The following CNTNAP5 variants were observed in gnomAD, a reference collection of about 807,000 sequenced individuals.
The protein encoded by CNTNAP5 is contactin-associated protein-like 5.
CNTNAP5 carries 72 observed loss-of-function variants against 150.2 expected under a neutral mutation model. The observed-to-expected ratio is 0.48, with a 90% confidence interval of 0.40 to 0.58. The LOEUF is 0.58. CNTNAP5 is among the 20% of genes least tolerant of loss of function. The probability of loss-of-function intolerance (pLI) is 0.00; values close to 1 mark genes in which losing one functional copy is unlikely to be tolerated. For missense variants in CNTNAP5, 1,636 were observed against 1,626.2 expected (o/e 1.01, Z -0.10); for synonymous variants, 672 against 619.8 (o/e 1.08, Z -1.25).
intron 22 of CNTNAP5, among the ~76,000 whole-genome samples, chr2:124,908,213 A>T (rs1201729201): frequency 1.3e-5 from 2 of 151,994 alleles, no homozygotes; most frequent in African/African-American, 4.8e-5. Context: ...TCTACTAAAA[A>T]TACAAAAATT....
chr2:124,511,119 G>A (rs1315758638), intron 8 of CNTNAP5, among the ~76,000 whole-genome samples: 4 of 152,264 alleles, frequency 2.6e-5, no homozygotes, highest in East Asian at 1.9e-4. Flanking sequence ...TGCTTAGAAT[G>A]GAGTTTAGTA....
chr2:124,860,690 T>A (rs1677506908), intron 19 of CNTNAP5, among the ~76,000 whole-genome samples: 1 of 152,080 alleles, frequency 6.6e-6, no homozygotes, highest in South Asian at 2.1e-4. Flanking sequence ...TTTTATTGAT[T>A]TGTGCGAGTT....
intron 21 of CNTNAP5, among the ~76,000 whole-genome samples, chr2:124,899,710 A>G (rs987283550): frequency 6.6e-6 from 1 of 151,254 alleles, no homozygotes; most frequent in Admixed American, 6.6e-5. Flanking sequence ...GCTTTTGAGG[A>G]GCCATATTCA....
rs375228862 is a variant in CNTNAP5, at chr2:124,329,662, G to A, written c.381+87269G>A. Among the ~76,000 whole-genome samples the A allele has an allele frequency of 1.1e-3, 175 of 152,220 alleles. No individual in the cohort carries two copies. In the Middle Eastern group the frequency reaches 0.027, roughly 24 times the overall value. ...AAACATATATTTTAGTAGCTCGGTG[G>A]CAAAGGATACCATTAAACCACTCTC... On this transcript the variant is annotated intron_variant, in intron 3 of 23. Coordinates refer to ENST00000682447, the MANE Select transcript of CNTNAP5 (RefSeq NM_001367498.1).
At chr2:124,163,478 T>A (rs1684735864) in intron 1 of CNTNAP5, among the ~76,000 whole-genome samples, 2 of 152,006 alleles carry the variant, frequency 1.3e-5, no homozygotes, top group African/African-American at 4.8e-5. Flanking sequence ...GGCATGGGGG[T>A]GTGAATCTGA....
chr2:124,226,359 G>A (rs1686459890), intron 2 of CNTNAP5, among the ~76,000 whole-genome samples: 1 of 152,102 alleles, frequency 6.6e-6, no homozygotes, highest in Admixed American at 6.6e-5. Context: ...GATTAGCAGT[G>A]TTGAGCATCT....
intron 1 of CNTNAP5, among the ~76,000 whole-genome samples, chr2:124,056,968 G>A (rs536597527): frequency 2.0e-5 from 3 of 152,184 alleles, no homozygotes; most frequent in East Asian, 1.9e-4. Context: ...AAATTCAGTT[G>A]TTGTTTGTTT....
intron 1 of CNTNAP5, among the ~76,000 whole-genome samples, chr2:124,039,124 G>A (rs1162284428): frequency 6.6e-6 from 1 of 152,172 alleles, no homozygotes; most frequent in Admixed American, 6.5e-5. Flanking sequence ...TTGAAAAGAT[G>A]GTAGCTTGTC....
At chr2:124,588,947 A>C (rs1371978895) in intron 11 of CNTNAP5, among the ~76,000 whole-genome samples, 4 of 152,108 alleles carry the variant, frequency 2.6e-5, no homozygotes, top group Non-Finnish European at 5.9e-5. Flanking sequence ...GCTCTGGTGC[A>C]GTGTGTCCCG....
intron 3 of CNTNAP5, 22 bp downstream of exon 3, chr2:124,242,415 A>G (rs1332042169): frequency 6.2e-7 from 1 of 1,601,550 alleles, no homozygotes. Context: ...TTTTCCTTCC[A>G]ATGAATAAAA....
intron 1 of CNTNAP5, among the ~76,000 whole-genome samples, chr2:124,191,726 C>A (rs1364197325): frequency 6.6e-6 from 1 of 151,940 alleles, no homozygotes; most frequent in Admixed American, 6.6e-5. Context: ...ACCAGCCTGA[C>A]CAACATGGTG....
intron 7 of CNTNAP5, among the ~76,000 whole-genome samples, chr2:124,486,801 A>G (rs78834558): frequency 6.6e-6 from 1 of 152,158 alleles, no homozygotes; most frequent in Admixed American, 6.5e-5. Context: ...AAAAATAGTG[A>G]AACTACTACT....
At chr2:124,231,744 A>G (rs886902666) in intron 2 of CNTNAP5, among the ~76,000 whole-genome samples, 2 of 152,164 alleles carry the variant, frequency 1.3e-5, no homozygotes, top group Non-Finnish European at 2.9e-5. Context: ...GGACAGCTAT[A>G]GATCATTGAA....
chr2:124,893,476 G>A (rs941028651), intron 21 of CNTNAP5, among the ~76,000 whole-genome samples: 3 of 152,096 alleles, frequency 2.0e-5, no homozygotes, highest in African/African-American at 7.2e-5. Context: ...TCAAAGCAGT[G>A]TGTTGTCTTT....
At chr2:124,173,412 G>A (rs1296166232) in intron 1 of CNTNAP5, among the ~76,000 whole-genome samples, 1 of 152,238 alleles carries the variant, frequency 6.6e-6, no homozygotes, top group Non-Finnish European at 1.5e-5. Context: ...AGTTAGCTAA[G>A]TTCTGAGTGT....
At chr2:124,565,139 T>A (rs1695987357) in intron 11 of CNTNAP5, among the ~76,000 whole-genome samples, 1 of 152,182 alleles carries the variant, frequency 6.6e-6, no homozygotes, top group African/African-American at 2.4e-5. Context: ...CAAAGCAGGA[T>A]TCACTGATGA....
intron 13 of CNTNAP5, among the ~76,000 whole-genome samples, chr2:124,656,668 G>A (rs528014749): frequency 1.3e-5 from 2 of 152,272 alleles, no homozygotes; most frequent in East Asian, 3.9e-4. Flanking sequence ...GACCACAATT[G>A]AGTTGCTGTT....
chr2:124,062,627 T>C (rs1400325477), intron 1 of CNTNAP5, among the ~76,000 whole-genome samples: 1 of 152,176 alleles, frequency 6.6e-6, no homozygotes, highest in Non-Finnish European at 1.5e-5. Flanking sequence ...ATAAATGCTT[T>C]ATATACACAG....
At chr2:124,504,248 A>T in intron 7 of CNTNAP5, 44 bp from the exon 8 acceptor site, 1 of 1,588,410 alleles carries the variant, frequency 6.3e-7, no homozygotes, top group Non-Finnish European at 8.6e-7. Context: ...CAGATTGCGG[A>T]ATAAAAAATG....
Sources: gnomAD v4.1 joint callset for allele counts (sites outside exome capture counted in the v4.1 genomes callset) on GRCh38, gnomAD v4.1.1 for gene constraint, MANE v1.5 for transcripts, NCBI Gene and HGNC (gene_info 2026-07-23, HGNC 2026-07-21) for gene names.